The following NFYC variants were observed in gnomAD, a reference collection of about 807,000 sequenced individuals.
The protein encoded by NFYC is CAAT box DNA-binding protein subunit C.
NFYC carries 25 observed loss-of-function variants against 53.1 expected under a neutral mutation model. The ratio of observed to expected loss-of-function variants is 0.47; its 90% CI spans 0.34 to 0.66. NFYC has a LOEUF of 0.66. Among genes scored for constraint, NFYC ranks in the 30% least tolerant of loss-of-function variants. The probability of loss-of-function intolerance (pLI) is 0.01; values close to 1 mark genes in which losing one functional copy is unlikely to be tolerated. For synonymous variants in NFYC, 145 were observed against 152.6 expected (o/e 0.95, Z 0.37); for missense variants, 260 against 422.7 (o/e 0.62, Z 3.38).
chr1:40,735,169 G>A (rs1644962079), intron 1 of NFYC: 1 of 34,202 alleles, frequency 2.9e-5, no homozygotes, highest in Admixed American at 2.7e-4. Context: ...GGGCCTGAGT[G>A]TCTCCTTATG....
intron 8 of NFYC, 48 bp downstream of exon 8, chr1:40,766,751 T>C (rs1026924906): frequency 6.4e-7 from 1 of 1,573,644 alleles, no homozygotes; most frequent in Non-Finnish European, 8.7e-7. Flanking sequence ...CAGGAGCAGA[T>C]GGCTTCTGAC....
chr1:40,707,480 C>CAA (rs58438852), intron 1 of NFYC, among the ~76,000 whole-genome samples: 1 of 86,504 alleles, frequency 1.2e-5, no homozygotes, highest in East Asian at 3.0e-4. Context: ...ACTCCATCTC[C>CAA]AAAAAAAAAA....
intron 1 of NFYC, among the ~76,000 whole-genome samples, chr1:40,720,104 G>C (rs1249312110): frequency 2.0e-5 from 3 of 152,114 alleles, no homozygotes; most frequent in Admixed American, 6.5e-5. Flanking sequence ...TTATGGTTTG[G>C]TTGGCTTGGA....
intron 1 of NFYC, among the ~76,000 whole-genome samples, chr1:40,698,966 C>A (rs910868746): frequency 5.3e-5 from 8 of 151,918 alleles, no homozygotes; most frequent in Non-Finnish European, 1.0e-4. Context: ...AGTTTAAGAC[C>A]AGCCTGGCCA....
At chr1:40,737,197 A>T (rs1450826474) in intron 1 of NFYC, among the ~76,000 whole-genome samples, 1 of 151,848 alleles carries the variant, frequency 6.6e-6, no homozygotes, top group Admixed American at 6.6e-5. Context: ...AGAATTTCAG[A>T]TAAGGGATAC....
At chr1:40,767,168 T>G (rs1344349631) in intron 8 of NFYC, 10 of 578,834 alleles carry the variant, frequency 1.7e-5, no homozygotes, top group East Asian at 9.2e-5. Context: ...TCTCGTGCCC[T>G]ACAATATTGA....
intron 1 of NFYC, among the ~76,000 whole-genome samples, chr1:40,707,678 A>G (rs1643769743): frequency 6.6e-6 from 1 of 151,660 alleles, no homozygotes; most frequent in South Asian, 2.1e-4. Context: ...AAGAAAAGAA[A>G]GAAATAGAAA....
Position 40,703,455 on chromosome 1 carries a change from G to A in NFYC, c.-9+11588G>A, listed in dbSNP as rs554257046. 2.1e-5 allele frequency among the ~76,000 whole-genome samples: 3 copies of A among 144,574 alleles called. No homozygotes were observed. The East Asian group carries it at 6.0e-4, about 29-fold the overall frequency. 94.8% of individuals were successfully genotyped at this position (144,574 alleles called of 152,430 possible). A position where few individuals can be genotyped will look rare whatever the true frequency, so the allele number is the denominator to read the frequency against. On this transcript the variant is annotated intron_variant, in intron 1 of 9. Transcript: ENST00000447388. Reference sequence around the variant, plus strand: ...TGCAGTGAGCTGTGATCATGCCACTGTACTCCAGCCTGGGCAATTAGCCCT... The same window carrying A: ...TGCAGTGAGCTGTGATCATGCCACTATACTCCAGCCTGGGCAATTAGCCCT...
rs150656698 is a variant in NFYC, at chr1:40,714,565, A to G, written c.-9+22698A>G. 1.0e-3 allele frequency among the ~76,000 whole-genome samples: 157 copies of G among 152,324 alleles called. 1 individual carries two copies. The highest frequency in any genetic ancestry group is 3.7e-3 in the African/African-American group (153 of 41,576). On this transcript the variant is annotated intron_variant, in intron 1 of 9. Coordinates refer to ENST00000447388, the MANE Select transcript of NFYC (RefSeq NM_014223.5). ...GTGTACTGACTGAAGATTATAATAG[A>G]CATAGCTGGATAGAATATATTTCAT...
intron 1 of NFYC, among the ~76,000 whole-genome samples, chr1:40,697,593 G>A (rs940066532): frequency 2.0e-5 from 3 of 152,136 alleles, no homozygotes; most frequent in African/African-American, 7.2e-5. Context: ...CGGAACAACT[G>A]GTGTTTTCAT....
intron 1 of NFYC, among the ~76,000 whole-genome samples, chr1:40,730,830 T>G (rs1437576318): frequency 6.6e-6 from 1 of 152,224 alleles, no homozygotes; most frequent in Non-Finnish European, 1.5e-5. Flanking sequence ...GTAAAACATG[T>G]CTTCCCAGGA....
chr1:40,752,768 A>G (rs1645985869), intron 4 of NFYC, among the ~76,000 whole-genome samples: 1 of 152,030 alleles, frequency 6.6e-6, no homozygotes, highest in Admixed American at 6.6e-5. Flanking sequence ...AACCAAAGGG[A>G]AAATATTATT....
chr1:40,748,285 T>C (rs994280779), intron 3 of NFYC, among the ~76,000 whole-genome samples: 1 of 151,830 alleles, frequency 6.6e-6, no homozygotes, highest in Admixed American at 6.6e-5. Context: ...GCACGTGCCA[T>C]CATGTCTGGC....
intron 1 of NFYC, among the ~76,000 whole-genome samples, chr1:40,704,135 G>A (rs993398694): frequency 3.3e-5 from 5 of 150,606 alleles, no homozygotes; most frequent in Admixed American, 6.6e-5. Flanking sequence ...GCAGTGGCGC[G>A]ATCTCTGCTC....
chr1:40,758,427 C>T, intron 6 of NFYC, 133 bp downstream of exon 6: 1 of 1,035,140 alleles, frequency 9.7e-7, no homozygotes, highest in South Asian at 1.7e-5. Context: ...GAAACTGGAA[C>T]TTTTCCCCAG....
In NFYC at chr1:40,753,848, C is replaced by CAGATTTAATGTGCAGTCAGAT. The variant is rs1646052711; in HGVS notation, c.387+602_387+603insAGATTTAATGTGCAGTCAGAT. ...GTGCAGTCAGATTTGAGAACCACCA[C>CAGATTTAATGTGCAGTCAGAT]TTGAGCTGTTTTGCAAGCAATCACA... is the stretch of plus-strand genomic sequence containing the variant. On this transcript the variant is annotated intron_variant, in intron 5 of 9. Coordinates refer to ENST00000447388, the MANE Select transcript of NFYC (RefSeq NM_014223.5). Among the ~76,000 whole-genome samples, 6 of 152,310 alleles carry CAGATTTAATGTGCAGTCAGAT rather than the reference C, an allele frequency of 3.9e-5. No homozygotes were observed. In the South Asian group the frequency reaches 1.2e-3, roughly 32 times the overall value.
chr1:40,745,979 G>A (rs577542267), intron 2 of NFYC, among the ~76,000 whole-genome samples: 3 of 152,102 alleles, frequency 2.0e-5, no homozygotes, highest in East Asian at 3.9e-4. Context: ...AGAGTGCTGG[G>A]ATTACAGGCA....
chr1:40,695,218 A>G (rs1643064061), intron 1 of NFYC, among the ~76,000 whole-genome samples: 1 of 152,152 alleles, frequency 6.6e-6, no homozygotes, highest in Non-Finnish European at 1.5e-5. Flanking sequence ...CAGTCTGGGC[A>G]ACACAGCGAG....
In NFYC at chr1:40,762,962, C is replaced by G. The variant is rs775253234; in HGVS notation, c.636C>G (p.Ala212=). The G allele has an allele frequency of 7.4e-6, 12 of 1,611,888 alleles. No homozygotes were observed. The Admixed American group carries it at 1.8e-4, about 25-fold the overall frequency. ...QIVQAQPQGQ[A]QQAQSGTGQT... ...TCCAGGCTCAGCCACAGGGTCAAGC[C>G]CAACAGGCCCAGAGTGGCACTGGAC... Residue 212 remains alanine (A), a synonymous_variant, in exon 7 of 10, where the codon GCC becomes GCG. Coordinates refer to ENST00000447388, the MANE Select transcript of NFYC (RefSeq NM_014223.5).
Sources: allele counts gnomAD v4.1 joint callset (sites outside exome capture counted in the v4.1 genomes callset), GRCh38; gene constraint gnomAD v4.1.1; transcripts MANE v1.5; gene names NCBI Gene and HGNC (gene_info 2026-07-23, HGNC 2026-07-21).